CHD5: variants seen among roughly 807,000 people sequenced by gnomAD.
CHD5 encodes the protein chromodomain helicase DNA binding protein 5, also known as ATP-dependent chromatin remodeler CHD5.
In CHD5, 69 loss-of-function variants were observed where a neutral mutation model predicts 230.3. The observed-to-expected ratio is 0.30, with a 90% CI of 0.25 to 0.37. The LOEUF (loss-of-function observed/expected upper bound fraction) is 0.37. Ranked by LOEUF, CHD5 falls within the 10% of genes least tolerant of loss-of-function variation. The pLI, the probability that CHD5 is intolerant of heterozygous loss-of-function variation, is 1.00. For missense variants in CHD5, 1,827 were observed against 2,622.8 expected, an observed-to-expected ratio of 0.70 and a Z score of 6.63; for synonymous variants, 1,064 against 1,065.9, an observed-to-expected ratio of 1.00 and a Z score of 0.03.
chr1:6,132,052 G>A (rs572028118), intron 20 of CHD5, among the ~76,000 whole-genome samples: 6 of 152,068 alleles, frequency 3.9e-5, no homozygotes, highest in Admixed American at 6.6e-5. Flanking sequence ...TATTCAAGGC[G>A]CTGCAGGACG....
At chr1:6,107,454 GATA>G (rs1666201860) in intron 38 of CHD5, among the ~76,000 whole-genome samples, 1 of 135,734 alleles carries the variant, frequency 7.4e-6, no homozygotes, top group Non-Finnish European at 1.6e-5. Context: ...ATGAGGGAGG[GATA>G]ATGGAGGGAT....
Position 6,128,916 on chromosome 1 carries a change from A to C in CHD5, c.3541T>G (p.Ser1181Ala), listed in dbSNP as rs1465629853. 1.2e-6 allele frequency: 2 copies of C among 1,613,288 alleles called. No individual in the cohort carries two copies. The highest frequency in any genetic ancestry group is 1.7e-6 in the Non-Finnish European group (2 of 1,179,984). ...LVVRPGLGSK[S>A]GSMTKQELDD... The stretch of plus-strand genomic sequence containing the variant: ...AGCTCCTGCTTGGTCATGGACCCCG[A>C]CTTGGAGCCGAGGCCGGGCCGCACC... The change falls in exon 23 of 42, where the codon TCG (serine) becomes GCG (alanine). Residue 1181 changes from serine to alanine, a missense_variant. This residue lies in a region of CHD5 where 81 missense variants were observed against 245.4 expected (regional missense o/e 0.33). Coordinates refer to ENST00000262450, the MANE Select transcript of CHD5 (RefSeq NM_015557.3). This position sits in a 1 kb window ranked among gnomAD's most constrained non-coding sequence, Gnocchi z 7.8.
Position 6,128,542 on chromosome 1 carries a change from G to A in CHD5, c.3687C>T (p.Asn1229=), listed in dbSNP as rs756178044. ...GCTTCTTCTTTGCACTGGCGGCCAA[G>A]TTCCCCCCTTTGGAGGACTGGACAT... ...IPDVQSSKGG[N]LAASAKKKHG... Residue 1229 remains asparagine, a synonymous_variant, in exon 24 of 42, where the codon AAC becomes AAT. Coordinates refer to ENST00000262450, the MANE Select transcript of CHD5 (RefSeq NM_015557.3). This position sits in a 1 kb window ranked among gnomAD's most constrained non-coding sequence, Gnocchi z 7.8. 3.1e-6 allele frequency: 5 copies of A among 1,614,064 alleles called. No individual in the cohort carries two copies. The highest frequency in any genetic ancestry group is 4.2e-6 in the Non-Finnish European group (5 of 1,180,022).
intron 38 of CHD5, among the ~76,000 whole-genome samples, chr1:6,107,228 TGATGGAGG>T (rs1303719155): frequency 3.0e-4 from 25 of 84,498 alleles, no homozygotes; most frequent in African/African-American, 1.1e-3. Context: ...GATGGAGGGA[TGATGGAGG>T]GATGGAGGGA....
chr1:6,146,547 C>A lies in CHD5; in HGVS notation c.1590+118G>T. ...GGACAATCCTCCCGCTCAGCACCAC[C>A]CCAACTCCCAACAGCACCCCTCAGT... is the stretch of plus-strand genomic sequence containing the variant. On this transcript the variant is annotated intron_variant, in intron 10 of 41. Coordinates refer to ENST00000262450, the MANE Select transcript of CHD5 (RefSeq NM_015557.3). The surrounding 1 kb of genome is among the most constrained non-coding windows in gnomAD (Gnocchi z 5.1). The A allele has an allele frequency of 2.2e-6, 3 of 1,379,370 alleles. No individual in the cohort carries two copies. Among genetic ancestry groups the A allele is most frequent in the Non-Finnish European group, 2.0e-6 (2 of 977,328 alleles). 85.4% of individuals were successfully genotyped at this position (1,379,370 alleles called of 1,614,324 possible).
intron 15 of CHD5, among the ~76,000 whole-genome samples, chr1:6,141,313 A>C (rs1666825272): frequency 2.0e-5 from 3 of 147,484 alleles, no homozygotes; most frequent in African/African-American, 7.5e-5. Context: ...ATTAATAATA[A>C]TAATAATAAT....
At chr1:6,114,643 C>G (rs972944902) in intron 33 of CHD5, among the ~76,000 whole-genome samples, 6 of 151,814 alleles carry the variant, frequency 4.0e-5, no homozygotes, top group African/African-American at 1.5e-4. Context: ...ACGGACCACA[C>G]AGGTTGAAAA....
At chr1:6,175,978 A>G (rs971857136) in intron 1 of CHD5, among the ~76,000 whole-genome samples, 3 of 151,652 alleles carry the variant, frequency 2.0e-5, no homozygotes, top group African/African-American at 7.3e-5. Context: ...TTGTAGGTGG[A>G]TGGGTAGATG....
intron 38 of CHD5, among the ~76,000 whole-genome samples, chr1:6,108,804 G>A (rs943956643): frequency 6.6e-6 from 1 of 150,694 alleles, no homozygotes; most frequent in African/African-American, 2.4e-5. Flanking sequence ...TGGAGGTGTG[G>A]AAGGATGGAG....
chr1:6,159,423 C>G lies in CHD5; in HGVS notation c.300G>C (p.Lys100Asn). The change falls in exon 3 of 42, where the codon AAG (lysine) becomes AAC (asparagine). Residue 100 changes from lysine to asparagine, a missense_variant. Transcript: ENST00000262450. ...TCTCCTTCTTGTCCTTGAGTTTCTT[C>G]TTCTTCTTTTTATTCGGGGAGTAGT... is the stretch of plus-strand genomic sequence containing the variant. ...GSDYSPNKKKKKKLKDKKEKK... is the reference protein window; with the variant it reads ...GSDYSPNKKKNKKLKDKKEKK... 1.9e-6 allele frequency: 3 copies of G among 1,566,212 alleles called. No individual in the cohort carries two copies. Among genetic ancestry groups the G allele is most frequent in the Non-Finnish European group, 2.6e-6 (3 of 1,152,888 alleles).
chr1:6,124,602 G>T lies in CHD5; in HGVS notation c.4454C>A (p.Thr1485Asn). The T allele has an allele frequency of 6.3e-7, 1 of 1,598,862 alleles. No individual in the cohort carries two copies. Among genetic ancestry groups the T allele is most frequent in the South Asian group, 1.1e-5 (1 of 90,390 alleles). ...LCEPGADGAE[T>N]FADGVPREGL... ...CTCCCGGGGCACGCCGTCTGCGAAG[G>T]TCTCTGCACCATCCGCCCCCGGCTC... The change falls in exon 30 of 42, where the codon ACC (threonine) becomes AAC (asparagine). Residue 1485 changes from threonine to asparagine, a missense_variant. Coordinates refer to ENST00000262450, the MANE Select transcript of CHD5 (RefSeq NM_015557.3).
At chr1:6,120,202 A>G (rs72632507) in intron 33 of CHD5, among the ~76,000 whole-genome samples, 2 of 152,300 alleles carry the variant, frequency 1.3e-5, no homozygotes, top group Non-Finnish European at 2.9e-5. Flanking sequence ...CAATTAGGGA[A>G]CAGACATTTT....
At position 6,169,953 on chromosome 1, in the gene CHD5, C is replaced by G. The variant is rs569025459; in HGVS notation, c.80-1676G>C. On this transcript the variant is annotated intron_variant, in intron 1 of 41. Coordinates refer to ENST00000262450, the MANE Select transcript of CHD5 (RefSeq NM_015557.3). The stretch of plus-strand genomic sequence containing the variant: ...CACAACAGGGAGTGTCACTCAGAGC[C>G]TGAGGGTTGCCTCCAGTGGGACCCC... Among the ~76,000 whole-genome samples, 765 of 152,260 alleles carry G rather than the reference C, an allele frequency of 5.0e-3. 7 individuals are homozygous for G. The highest frequency in any genetic ancestry group is 0.016 in the African/African-American group (671 of 41,534).
rs757091559 is a variant in CHD5, at chr1:6,168,207, C to A, written c.150G>T (p.Lys50Asn). 1 of 1,612,408 alleles carries A rather than the reference C, an allele frequency of 6.2e-7. No homozygotes were observed. Among genetic ancestry groups the A allele is most frequent in the Non-Finnish European group, 8.5e-7 (1 of 1,178,682 alleles). Residue 50 changes from lysine to asparagine, a missense_variant, in exon 2 of 42, where the codon AAG becomes AAT. Around this residue, in one of 14 missense-constraint regions of CHD5, gnomAD observed 113 missense variants for 91.9 expected, o/e 1.23. Coordinates refer to ENST00000262450, the MANE Select transcript of CHD5 (RefSeq NM_015557.3). ...FPVEPVSLPK[K>N]KKPKKLKENK... is the part of the protein sequence containing the mutation. Reference sequence around the variant, plus strand: ...TTTCCTTGAGCTTCTTGGGTTTCTTCTTCTTAGGAAGGCTCACGGGCTCCA... The same window carrying A: ...TTTCCTTGAGCTTCTTGGGTTTCTTATTCTTAGGAAGGCTCACGGGCTCCA...
chr1:6,161,500 T>C (rs1667177126), intron 2 of CHD5, among the ~76,000 whole-genome samples: 1 of 152,210 alleles, frequency 6.6e-6, no homozygotes, highest in Non-Finnish European at 1.5e-5. Context: ...TCAGCGGCGC[T>C]GCCAGCTGCC....
At chr1:6,122,742 C>T (rs1284826488) in intron 31 of CHD5, among the ~76,000 whole-genome samples, 1 of 152,178 alleles carries the variant, frequency 6.6e-6, no homozygotes, top group South Asian at 2.1e-4. Flanking sequence ...ATCGACAGCG[C>T]AATGGATAAG....
chr1:6,113,809 A>G (rs1299848673), intron 33 of CHD5, among the ~76,000 whole-genome samples: 1 of 152,176 alleles, frequency 6.6e-6, no homozygotes, highest in Non-Finnish European at 1.5e-5. Flanking sequence ...GGTGTGGGAT[A>G]TGAACTGGAC....
At chr1:6,139,271 G>A (rs374564786) in intron 15 of CHD5, among the ~76,000 whole-genome samples, 11 of 152,276 alleles carry the variant, frequency 7.2e-5, no homozygotes, top group African/African-American at 2.4e-4. Flanking sequence ...CTGAGACAGA[G>A]TTTAGCTCTT....
chr1:6,128,316 AGC>A lies in CHD5; in HGVS notation c.3731-100_3731-99del. ...CCCAACAATGGCCCTTCCCATCCCC[AGC>A]AGGGGCTGCAGCTGAGAGGCATGGT... is the stretch of plus-strand genomic sequence containing the variant. On this transcript the variant is annotated intron_variant, in intron 24 of 41. Coordinates refer to ENST00000262450, the MANE Select transcript of CHD5 (RefSeq NM_015557.3). The surrounding 1 kb of genome is among the most constrained non-coding windows in gnomAD (Gnocchi z 7.8). 7.6e-7 allele frequency: 1 copy of A among 1,311,752 alleles called. No homozygotes were observed. Among genetic ancestry groups the A allele is most frequent in the Admixed American group, 1.9e-5 (1 of 51,678 alleles). 81.3% of individuals were successfully genotyped at this position (1,311,752 alleles called of 1,614,324 possible). A position where few individuals can be genotyped will look rare whatever the true frequency, so the allele number is the denominator to read the frequency against.
Sources: allele counts gnomAD v4.1 joint callset (sites outside exome capture counted in the v4.1 genomes callset), GRCh38; gene constraint gnomAD v4.1.1; regional missense constraint gnomAD v4.1.1; non-coding constraint Gnocchi (gnomAD v3.1); transcripts MANE v1.5; gene names NCBI Gene and HGNC (gene_info 2026-07-23, HGNC 2026-07-21).